CACNB4: variants seen among roughly 807,000 people sequenced by gnomAD.
CACNB4 encodes voltage-dependent L-type calcium channel subunit beta-4.
CACNB4 carries 32 observed loss-of-function variants against 71.2 expected under a neutral mutation model. The ratio of observed to expected loss-of-function variants is 0.45; its 90% CI spans 0.34 to 0.60. The LOEUF (loss-of-function observed/expected upper bound fraction) is 0.60. Ranked by LOEUF, CACNB4 falls within the 20% of genes least tolerant of loss-of-function variation. The pLI is 0.01. For synonymous variants in CACNB4, 231 were observed against 236.9 expected, an observed-to-expected ratio of 0.97 and a Z score of 0.23; for missense variants, 464 against 647.9, an observed-to-expected ratio of 0.72 and a Z score of 3.08.
chr2:151,945,897 T>C (rs2099865459), intron 2 of CACNB4, among the ~76,000 whole-genome samples: 1 of 150,730 alleles, frequency 6.6e-6, no homozygotes, highest in Non-Finnish European at 1.5e-5. Flanking sequence ...AAAAAAAGAA[T>C]TACATGTGTG....
chr2:151,929,186 A>G (rs1226492840), intron 2 of CACNB4, among the ~76,000 whole-genome samples: 1 of 152,062 alleles, frequency 6.6e-6, no homozygotes, highest in Admixed American at 6.6e-5. Context: ...CCAAGAGGAG[A>G]CACTATCCTC....
chr2:151,883,447 G>A (rs1042689997), intron 2 of CACNB4, 77 bp from the exon 3 acceptor site: 9 of 1,493,692 alleles, frequency 6.0e-6, no homozygotes, highest in South Asian at 4.5e-5. Context: ...ATCCTGGGGC[G>A]AGTTCTTTTT....
chr2:152,090,451 C>T (rs1001546336), intron 2 of CACNB4, among the ~76,000 whole-genome samples: 2 of 152,052 alleles, frequency 1.3e-5, no homozygotes, highest in Non-Finnish European at 1.5e-5. Flanking sequence ...CTCAGGAGTT[C>T]GAGACCAGCC....
chr2:151,853,833 A>G, intron 11 of CACNB4: 1 of 292,070 alleles, frequency 3.4e-6, no homozygotes, highest in South Asian at 4.8e-5. Flanking sequence ...GTAAAAATGG[A>G]GGGAGTGGAC....
intron 2 of CACNB4, among the ~76,000 whole-genome samples, chr2:151,935,807 A>G (rs7598593): frequency 0.46 from 69,636 of 152,188 alleles, 19,794 homozygotes; most frequent in Non-Finnish European, 0.64. Flanking sequence ...TCAAGATCGG[A>G]TGTGTTCTTT....
At chr2:151,997,157 T>G (rs527436604) in intron 2 of CACNB4, among the ~76,000 whole-genome samples, 6 of 152,210 alleles carry the variant, frequency 3.9e-5, no homozygotes, top group Non-Finnish European at 8.8e-5. Context: ...AAAGGGTCTT[T>G]GCAAATTTAA....
rs187572195 is a variant in CACNB4 at position 152,032,709 on chromosome 2, T to C, written c.147+65621A>G. On this transcript the variant is annotated intron_variant, in intron 2 of 13. Transcript: ENST00000539935. Reference sequence around the variant, plus strand: ...GGCAGGGTGTGGTGGCTCATGCCTATAATCTCAGCACTTTGGGAGGTTGAG... The same window carrying C: ...GGCAGGGTGTGGTGGCTCATGCCTACAATCTCAGCACTTTGGGAGGTTGAG... 1.1e-4 allele frequency among the ~76,000 whole-genome samples: 16 copies of C among 152,316 alleles called. No homozygotes were observed. The East Asian group carries it at 2.5e-3, about 24-fold the overall frequency.
intron 2 of CACNB4, among the ~76,000 whole-genome samples, chr2:151,961,062 T>A (rs2099869531): frequency 6.6e-6 from 1 of 152,204 alleles, no homozygotes; most frequent in Non-Finnish European, 1.5e-5. Flanking sequence ...AAGGAAATGC[T>A]CCTCTTAGCA....
At chr2:151,918,220 A>G in intron 2 of CACNB4, among the ~76,000 whole-genome samples, 1 of 152,216 alleles carries the variant, frequency 6.6e-6, no homozygotes, top group East Asian at 1.9e-4. Context: ...TTATTACAGT[A>G]GTCATTCAGC....
At chr2:152,048,971 A>G (rs1299290453) in intron 2 of CACNB4, among the ~76,000 whole-genome samples, 2 of 152,172 alleles carry the variant, frequency 1.3e-5, no homozygotes, top group Non-Finnish European at 2.9e-5. Context: ...GGCATGAGCT[A>G]GGTTTTTAAG....
chr2:151,984,923 C>T (rs1197236492), intron 2 of CACNB4, among the ~76,000 whole-genome samples: 2 of 152,094 alleles, frequency 1.3e-5, no homozygotes, highest in East Asian at 1.9e-4. Context: ...TGCTGGAAAA[C>T]AACTTAAGCA....
In CACNB4 at chr2:151,870,951, T is replaced by TGTCC. The variant is rs199659723; in HGVS notation, c.599-94_599-91dup. Reference sequence around the variant, plus strand: ...TAAAAGATGGAAGAATGTACCCATTTGTCCCTGTAATTATCTTCACCACCT... The same window carrying TGTCC: ...TAAAAGATGGAAGAATGTACCCATTTGTCCGTCCCTGTAATTATCTTCACCACCT... On this transcript the variant is annotated intron_variant, in intron 6 of 13. Coordinates refer to ENST00000539935, the MANE Select transcript of CACNB4 (RefSeq NM_000726.5). 1.6e-3 allele frequency: 1,545 copies of TGTCC among 948,236 alleles called. 16 individuals carry two copies. The African/African-American group carries it at 0.022, about 14-fold the overall frequency. 58.7% of individuals were successfully genotyped at this position (948,236 alleles called of 1,614,324 possible). A position where few individuals can be genotyped will look rare whatever the true frequency, so the allele number is the denominator to read the frequency against.
At chr2:151,955,437 T>C (rs935309602) in intron 2 of CACNB4, among the ~76,000 whole-genome samples, 1 of 152,194 alleles carries the variant, frequency 6.6e-6, no homozygotes, top group African/African-American at 2.4e-5. Flanking sequence ...CCTTGCCCTC[T>C]AGAGTCCTAT....
At chr2:152,082,586 A>G (rs1193632208) in intron 2 of CACNB4, among the ~76,000 whole-genome samples, 1 of 152,216 alleles carries the variant, frequency 6.6e-6, no homozygotes, top group Non-Finnish European at 1.5e-5. Context: ...ATAAAGTCCT[A>G]TAATATTAGA....
chr2:151,866,809 A>G (rs1221098441), intron 9 of CACNB4: 4 of 152,042 alleles, frequency 2.6e-5, no homozygotes, highest in Admixed American at 2.6e-4. Context: ...CTCTTCAGCT[A>G]TTACTTTTGC....
At chr2:151,876,606 C>T (rs770043339) in intron 4 of CACNB4, 50 bp from the exon 5 acceptor site, 24 of 1,139,770 alleles carry the variant, frequency 2.1e-5, no homozygotes, top group African/African-American at 8.2e-5. Flanking sequence ...CTTATCTTCA[C>T]GTTGTTTATT....
At chr2:152,006,597 T>C (rs1352072800) in intron 2 of CACNB4, among the ~76,000 whole-genome samples, 1 of 152,060 alleles carries the variant, frequency 6.6e-6, no homozygotes, top group Non-Finnish European at 1.5e-5. Flanking sequence ...GGTTTTGACA[T>C]GGTGGCCAGG....
At position 152,098,945 on chromosome 2, in the gene CACNB4, G is replaced by A; in HGVS notation, c.63+4C>T. 1.1e-5 allele frequency: 16 copies of A among 1,491,476 alleles called. No individual in the cohort carries two copies. Among genetic ancestry groups the A allele is most frequent in the Non-Finnish European group, 1.3e-5 (15 of 1,115,844 alleles). The allele number at this position is 1,491,476 out of a possible 1,614,324, so 92.4% of individuals were successfully genotyped here. A position where few individuals can be genotyped will look rare whatever the true frequency, so the allele number is the denominator to read the frequency against. On this transcript the variant is annotated splice_donor_region_variant and intron_variant, in intron 1 of 13. Transcript: ENST00000539935. This position sits in a 1 kb window ranked among gnomAD's most constrained non-coding sequence, Gnocchi z 5.3. ...AGAGGAGAAGGGGGAGGAGGGGGCG[G>A]TACCTGCGAGGTGGGGGAGTGCGGC...
intron 2 of CACNB4, among the ~76,000 whole-genome samples, chr2:151,885,322 T>C (rs970284603): frequency 5.3e-5 from 8 of 152,254 alleles, no homozygotes; most frequent in Admixed American, 2.0e-4. Flanking sequence ...GAGTTCTTGC[T>C]ATCACACCAG....
Sources: gnomAD v4.1 joint callset for allele counts (sites outside exome capture counted in the v4.1 genomes callset) on GRCh38, gnomAD v4.1.1 for gene constraint, Gnocchi (gnomAD v3.1) non-coding constraint, MANE v1.5 for transcripts, NCBI Gene and HGNC (gene_info 2026-07-23, HGNC 2026-07-21) for gene names.